Variants in ATP6V1B2 observed in about 807,000 individuals in gnomAD.
ATP6V1B2 encodes ATPase H+ transporting V1 subunit B2.
ATP6V1B2 carries 23 observed loss-of-function variants against 66.7 expected under a neutral mutation model. The observed-to-expected ratio is 0.34, with a 90% CI of 0.25 to 0.49. The LOEUF (loss-of-function observed/expected upper bound fraction) is 0.49. ATP6V1B2 is among the 20% of genes least tolerant of loss of function. The pLI, the probability that ATP6V1B2 is intolerant of heterozygous loss-of-function variation, is 0.99. For synonymous variants in ATP6V1B2, 278 were observed against 236.7 expected (o/e 1.17, Z -1.60); for missense variants, 478 against 650.8 (o/e 0.73, Z 2.89).
Position 20,220,486 on chromosome 8 carries a change from T to C in ATP6V1B2, c.*84T>C, listed in dbSNP as rs1234201167. On this transcript the variant is annotated 3_prime_UTR_variant, in exon 14 of 14. Transcript: ENST00000276390. Reference sequence around the variant, plus strand: ...CTTTTGCACTCTCGGTTCCCACCTTTGTGTTGGAGTTTACCATGTTACCCT... The same window carrying C: ...CTTTTGCACTCTCGGTTCCCACCTTCGTGTTGGAGTTTACCATGTTACCCT... The C allele has an allele frequency of 3.4e-6, 5 of 1,450,036 alleles. No homozygotes were observed. Among genetic ancestry groups the C allele is most frequent in the Non-Finnish European group, 4.5e-6 (5 of 1,098,928 alleles). The allele number at this position is 1,450,036 out of a possible 1,614,324, so 89.8% of individuals were successfully genotyped here.
rs2072904036 is a variant in ATP6V1B2, at chr8:20,221,276, G to A, written c.*874G>A. ...ACCAGATGCTGAAGGCAAGGGGAGG[G>A]AGCAGAAGCACTTATGTTTACGGAT... On this transcript the variant is annotated 3_prime_UTR_variant, in exon 14 of 14. Transcript: ENST00000276390. The A allele has an allele frequency of 3.3e-5, 5 of 152,190 alleles. No individual in the cohort carries two copies. The highest frequency in any genetic ancestry group is 3.3e-4 in the Admixed American group (5 of 15,278). 9.4% of individuals were successfully genotyped at this position (152,190 alleles called of 1,614,324 possible). A position where few individuals can be genotyped will look rare whatever the true frequency, so the allele number is the denominator to read the frequency against.
rs977253643 is a variant in ATP6V1B2 at position 20,216,606 on chromosome 8, A to G, written c.1161+111A>G. On this transcript the variant is annotated intron_variant, in intron 11 of 13. Coordinates refer to ENST00000276390, the MANE Select transcript of ATP6V1B2 (RefSeq NM_001693.4). ...CTTTGCTTAGAAAGTATCAACTTGA[A>G]TTGTTTTTAATATGGTTATAAAATT... The G allele has an allele frequency of 3.3e-6, 3 of 909,986 alleles. No homozygotes were observed. In the African/African-American group the frequency reaches 5.0e-5, roughly 15 times the overall value. 56.4% of individuals were successfully genotyped at this position (909,986 alleles called of 1,614,324 possible).
At chr8:20,198,172 G>T (rs1458360768) in intron 1 of ATP6V1B2, among the ~76,000 whole-genome samples, 1 of 152,232 alleles carries the variant, frequency 6.6e-6, no homozygotes, top group Admixed American at 6.5e-5. Flanking sequence ...TCATTTTACA[G>T]GTGAGAAGCC....
At chr8:20,206,914 C>T (rs926454199) in intron 2 of ATP6V1B2, among the ~76,000 whole-genome samples, 1 of 151,968 alleles carries the variant, frequency 6.6e-6, no homozygotes, top group African/African-American at 2.4e-5. Flanking sequence ...GGGTACAAAG[C>T]GATTAGAAGG....
At chr8:20,197,585 G>T in intron 1 of ATP6V1B2, 43 bp downstream of exon 1, 1 of 1,329,230 alleles carries the variant, frequency 7.5e-7, no homozygotes, top group Non-Finnish European at 9.7e-7. Flanking sequence ...TTGCTCCCTA[G>T]CCTAGCCCTT....
chr8:20,201,231 C>T (rs923394311), intron 1 of ATP6V1B2, among the ~76,000 whole-genome samples: 9 of 152,150 alleles, frequency 5.9e-5, no homozygotes, highest in African/African-American at 1.2e-4. Context: ...CACACACCTA[C>T]GGGCTCAAAT....
Position 20,220,275 on chromosome 8 carries a change from A to G in ATP6V1B2, c.1409A>G (p.Asn470Ser), listed in dbSNP as rs1430532125. Residue 470 changes from asparagine to serine, a missense_variant, in exon 14 of 14, where the codon AAT (asparagine) becomes AGT (serine). Transcript: ENST00000276390. ...RNFIAQGPYE[N>S]RTVFETLDIG... ...TCAATTTTTTAAGGTCCTTACGAAA[A>G]TCGCACTGTCTTTGAGACTTTGGAC... is the stretch of plus-strand genomic sequence containing the variant. The G allele has an allele frequency of 6.3e-7, 1 of 1,598,526 alleles. No individual in the cohort carries two copies. Among genetic ancestry groups the G allele is most frequent in the Admixed American group, 1.8e-5 (1 of 54,830 alleles).
intron 13 of ATP6V1B2, among the ~76,000 whole-genome samples, chr8:20,219,086 T>C (rs17412009): frequency 0.76 from 115,606 of 152,146 alleles, 44,462 homozygotes; most frequent in East Asian, 0.88. Context: ...AGTTTTTATT[T>C]CCATTATAAT....
intron 2 of ATP6V1B2, among the ~76,000 whole-genome samples, chr8:20,209,122 G>C (rs2072766705): frequency 6.6e-6 from 1 of 152,126 alleles, no homozygotes; most frequent in Admixed American, 6.5e-5. Context: ...ATGTTTATCT[G>C]TACTTTTCTG....
intron 2 of ATP6V1B2, among the ~76,000 whole-genome samples, chr8:20,204,836 G>C (rs2072721870): frequency 1.3e-5 from 2 of 152,172 alleles, no homozygotes; most frequent in Non-Finnish European, 1.5e-5. Flanking sequence ...ACAATTACTA[G>C]TTTGTTGAGA....
At chr8:20,215,001 A>G in intron 10 of ATP6V1B2, 33 bp downstream of exon 10, 2 of 1,601,206 alleles carry the variant, frequency 1.2e-6, no homozygotes, top group Non-Finnish European at 1.7e-6. Flanking sequence ...TAACACACCT[A>G]ATCATTTTAA....
At chr8:20,201,798 T>C (rs1255677061) in intron 1 of ATP6V1B2, among the ~76,000 whole-genome samples, 1 of 152,162 alleles carries the variant, frequency 6.6e-6, no homozygotes, top group Non-Finnish European at 1.5e-5. Context: ...AGGGAATTTA[T>C]TTCTTAAAGT....
At chr8:20,213,706 T>C (rs149527931) in intron 9 of ATP6V1B2, 2 of 152,252 alleles carry the variant, frequency 1.3e-5, no homozygotes, top group East Asian at 1.9e-4. Flanking sequence ...TGTTCAGTAA[T>C]ACAAATTACT....
chr8:20,206,213 G>A (rs533187493), intron 2 of ATP6V1B2, among the ~76,000 whole-genome samples: 1 of 152,320 alleles, frequency 6.6e-6, no homozygotes, highest in Non-Finnish European at 1.5e-5. Context: ...GACACCAGAT[G>A]TGTGTGTTTT....
At chr8:20,210,540 C>T (rs1192062015) in intron 4 of ATP6V1B2, 29 bp from the exon 5 acceptor site, 1 of 1,611,048 alleles carries the variant, frequency 6.2e-7, no homozygotes, top group Non-Finnish European at 8.5e-7. Flanking sequence ...TCAGCATCTA[C>T]TCTGTCCTGT....
At chr8:20,200,886 G>C (rs1478800827) in intron 1 of ATP6V1B2, among the ~76,000 whole-genome samples, 11 of 152,140 alleles carry the variant, frequency 7.2e-5, no homozygotes, top group Admixed American at 7.2e-4. Flanking sequence ...GATTGCTCTG[G>C]GTTTTTGTTT....
At position 20,216,490 on chromosome 8, in the gene ATP6V1B2, A is replaced by T; in HGVS notation, c.1156A>T (p.Arg386Ter). Residue 386 changes from arginine to a stop codon, truncating the protein, a stop_gained, in exon 11 of 14, where the codon AGA becomes TGA. Coordinates refer to ENST00000276390, the MANE Select transcript of ATP6V1B2 (RefSeq NM_001693.4). LOFTEE classifies it high-confidence loss of function. ...QIYVDRQLHN[R>*]QIYPPINVLP... is the part of the protein sequence containing the mutation. ...CTATGTGGACAGACAGCTGCACAAC[A>T]GACAGGTACTGGACGGGAGCAGTGC... The T allele has an allele frequency of 6.2e-7, 1 of 1,613,064 alleles. No individual in the cohort carries two copies. Among genetic ancestry groups the T allele is most frequent in the Non-Finnish European group, 8.5e-7 (1 of 1,179,220 alleles).
intron 1 of ATP6V1B2, chr8:20,204,212 C>G (rs995825217): frequency 1.6e-5 from 7 of 441,666 alleles, no homozygotes; most frequent in Non-Finnish European, 2.5e-5. Context: ...CAAGCAGAGT[C>G]TTTCCCTCTG....
At chr8:20,199,425 C>T (rs572420326) in intron 1 of ATP6V1B2, among the ~76,000 whole-genome samples, 4 of 152,002 alleles carry the variant, frequency 2.6e-5, no homozygotes, top group African/African-American at 9.7e-5. Context: ...AGTTGAAATG[C>T]CCGGTCGAGT....
Sources: gnomAD v4.1 joint callset for allele counts (sites outside exome capture counted in the v4.1 genomes callset) on GRCh38, gnomAD v4.1.1 for gene constraint, MANE v1.5 for transcripts, NCBI Gene and HGNC (gene_info 2026-07-23, HGNC 2026-07-21) for gene names.